PTPRD: variants seen among roughly 807,000 people sequenced by gnomAD.
PTPRD encodes protein tyrosine phosphatase receptor type D, also known as receptor-type tyrosine-protein phosphatase delta.
Under a neutral mutation model 214.5 loss-of-function variants are expected in PTPRD, and 34 were observed. That is an observed-to-expected ratio of 0.16 (90% CI 0.12 to 0.21). The LOEUF is 0.21. Ranked by LOEUF, PTPRD falls within the 10% of genes least tolerant of loss-of-function variation. PTPRD has a pLI of 1.00. For missense variants in PTPRD, 2,545 were observed against 2,398.7 expected, an observed-to-expected ratio of 1.06 and a Z score of -1.27; for synonymous variants, 1,128 against 845.7, an observed-to-expected ratio of 1.33 and a Z score of -5.79.
rs541229016 is a variant in PTPRD, at chr9:9,653,926, G to C, written c.-286-79145C>G. Among the ~76,000 whole-genome samples the C allele has an allele frequency of 1.7e-3, 259 of 152,120 alleles. 1 individual carries two copies. Among genetic ancestry groups the C allele is most frequent in the African/African-American group, 6.0e-3 (251 of 41,514 alleles). On this transcript the variant is annotated intron_variant, in intron 7 of 45. Coordinates refer to ENST00000381196, the MANE Select transcript of PTPRD (RefSeq NM_002839.4). ...GAAGGCTTATTTAAATGATGTTTCT[G>C]GTGGTTTTTATTATATATAAACTTT...
chr9:10,411,766 C>T (rs916838965), intron 2 of PTPRD, among the ~76,000 whole-genome samples: 5 of 151,596 alleles, frequency 3.3e-5, no homozygotes, highest in Non-Finnish European at 7.4e-5. Flanking sequence ...TTAGTAATTG[C>T]AGTGGCCTCT....
chr9:8,603,604 T>C (rs1020494935), intron 14 of PTPRD, among the ~76,000 whole-genome samples: 3 of 152,300 alleles, frequency 2.0e-5, no homozygotes, highest in Middle Eastern at 6.8e-3. Flanking sequence ...ATGCTGTCAA[T>C]AGAAGTCACC....
intron 9 of PTPRD, among the ~76,000 whole-genome samples, chr9:9,270,381 ATTTATGCTAAAAAT>A (rs2132729673): frequency 6.6e-6 from 1 of 151,476 alleles, no homozygotes; most frequent in South Asian, 2.1e-4. Flanking sequence ...TAAATGTGGC[ATTTATGCTAAAAAT>A]ATGAAGAATA....
intron 8 of PTPRD, among the ~76,000 whole-genome samples, chr9:9,500,321 C>T (rs891013840): frequency 1.3e-5 from 2 of 152,094 alleles, no homozygotes; most frequent in African/African-American, 4.8e-5. Flanking sequence ...ATTTCAGGCA[C>T]TGGACGATAT....
chr9:9,665,678 G>A (rs1414631319), intron 7 of PTPRD, among the ~76,000 whole-genome samples: 3 of 151,720 alleles, frequency 2.0e-5, no homozygotes, highest in African/African-American at 7.3e-5. Context: ...AAGATACTCA[G>A]AATAGTTCTA....
intron 45 of PTPRD, among the ~76,000 whole-genome samples, chr9:8,319,499 T>C (rs1032691986): frequency 1.5e-4 from 23 of 151,886 alleles, no homozygotes; most frequent in African/African-American, 3.4e-4. Context: ...CTAAATATTA[T>C]GCTTTCTATA....
At chr9:8,670,219 T>C (rs544200544) in intron 12 of PTPRD, among the ~76,000 whole-genome samples, 80 of 152,284 alleles carry the variant, frequency 5.3e-4, no homozygotes, top group African/African-American at 1.9e-3. Context: ...GTATTAACTT[T>C]AGGCATTATG....
At chr9:9,157,556 G>C (rs2099882314) in intron 10 of PTPRD, among the ~76,000 whole-genome samples, 1 of 152,088 alleles carries the variant, frequency 6.6e-6, no homozygotes, top group African/African-American at 2.4e-5. Context: ...AACCTACCAA[G>C]ATTGAATTAT....
At chr9:9,693,752 T>A (rs1461194665) in intron 7 of PTPRD, among the ~76,000 whole-genome samples, 2 of 152,204 alleles carry the variant, frequency 1.3e-5, no homozygotes, top group South Asian at 4.1e-4. Flanking sequence ...GGATATTTTC[T>A]AGATCTTGTA....
At position 8,681,926 on chromosome 9, in the gene PTPRD, G is replaced by A. The variant is rs913487794; in HGVS notation, c.65-45082C>T. Reference sequence around the variant, plus strand: ...GTACATTACTTCAGCTCTAAAAGGTGCTGAACAACCGACTACGGTAGGAGA... The same window carrying A: ...GTACATTACTTCAGCTCTAAAAGGTACTGAACAACCGACTACGGTAGGAGA... On this transcript the variant is annotated intron_variant, in intron 12 of 45. Coordinates refer to ENST00000381196, the MANE Select transcript of PTPRD (RefSeq NM_002839.4). Among the ~76,000 whole-genome samples the A allele has an allele frequency of 1.8e-4, 28 of 152,250 alleles. 2 individuals are homozygous for A. The East Asian group carries it at 2.9e-3, about 16-fold the overall frequency.
chr9:9,752,430 AAGGTTTATTATAACAGTTTAC>A (rs1028968422), intron 6 of PTPRD, among the ~76,000 whole-genome samples: 1 of 152,066 alleles, frequency 6.6e-6, no homozygotes, highest in Non-Finnish European at 1.5e-5. Context: ...TAATGAACTC[AAGGTTTATTATAACAGTTTAC>A]AGTGGAAAAG....
intron 9 of PTPRD, among the ~76,000 whole-genome samples, chr9:9,323,977 A>T (rs547861098): frequency 2.0e-5 from 3 of 152,234 alleles, no homozygotes; most frequent in African/African-American, 7.2e-5. Context: ...GCTCAGAATG[A>T]TGGTTTCCAG....
intron 11 of PTPRD, among the ~76,000 whole-genome samples, chr9:8,956,846 T>C (rs1285129995): frequency 2.0e-5 from 3 of 151,908 alleles, no homozygotes; most frequent in Admixed American, 1.3e-4. Flanking sequence ...AGTTTGCTTT[T>C]ATAAACTACC....
chr9:8,746,259 G>T (rs1051081770), intron 11 of PTPRD, among the ~76,000 whole-genome samples: 5 of 152,090 alleles, frequency 3.3e-5, no homozygotes, highest in Non-Finnish European at 5.9e-5. Context: ...AGTTGCTGAG[G>T]GCAACATGGC....
chr9:9,996,665 G>A (rs2096132461), intron 4 of PTPRD, among the ~76,000 whole-genome samples: 1 of 152,120 alleles, frequency 6.6e-6, no homozygotes, highest in African/African-American at 2.4e-5. Flanking sequence ...TGCAAAGGTT[G>A]GGAGACCTAT....
At chr9:8,688,319 C>T (rs536212777) in intron 12 of PTPRD, among the ~76,000 whole-genome samples, 139 of 152,240 alleles carry the variant, frequency 9.1e-4, no homozygotes, top group African/African-American at 3.1e-3. Flanking sequence ...GTAATCCCAG[C>T]GCTTTGGGAG....
chr9:9,882,247 T>A (rs7859957), intron 5 of PTPRD, among the ~76,000 whole-genome samples: 12,933 of 152,120 alleles, frequency 0.085, 1,316 homozygotes, highest in African/African-American at 0.25. Flanking sequence ...TTTTTTTGAT[T>A]GTAAGCAGAA....
chr9:10,042,984 A>G (rs892311054), intron 3 of PTPRD, among the ~76,000 whole-genome samples: 3 of 151,974 alleles, frequency 2.0e-5, no homozygotes, highest in African/African-American at 7.2e-5. Flanking sequence ...ACTGAATTTT[A>G]ACTGAGAATA....
chr9:8,964,190 G>GTTTTTTCTTTT (rs1334290420), intron 11 of PTPRD, among the ~76,000 whole-genome samples: 1 of 52,956 alleles, frequency 1.9e-5, no homozygotes, highest in Non-Finnish European at 3.4e-5. Context: ...GTTCAGGGCT[G>GTTTTTTCTTTT]TGTTTTTTTT....
Sources: gnomAD v4.1 joint callset for allele counts (sites outside exome capture counted in the v4.1 genomes callset) on GRCh38, gnomAD v4.1.1 for gene constraint, MANE v1.5 for transcripts, NCBI Gene and HGNC (gene_info 2026-07-23, HGNC 2026-07-21) for gene names.